AGXT2: variants seen among roughly 807,000 people sequenced by gnomAD.
AGXT2 encodes the protein alanine--glyoxylate aminotransferase 2, also known as alanine--glyoxylate aminotransferase 2, mitochondrial.
Under a neutral mutation model 62.5 loss-of-function variants are expected in AGXT2, and 61 were observed. The ratio of observed to expected loss-of-function variants is 0.98; its 90% CI spans 0.79 to 1.21. The LOEUF (loss-of-function observed/expected upper bound fraction) is 1.21, where lower values mean the gene tolerates loss of function less well. Ranked by LOEUF, AGXT2 falls within the 50% of genes most tolerant of loss-of-function variation. The pLI is 0.00. For missense variants in AGXT2, 666 were observed against 641.5 expected, an observed-to-expected ratio of 1.04 and a Z score of -0.41; for synonymous variants, 243 against 218.7, an observed-to-expected ratio of 1.11 and a Z score of -0.98.
At chr5:35,036,918 C>T (rs1398070592) in intron 4 of AGXT2, 24 bp downstream of exon 4, 2 of 1,613,788 alleles carry the variant, frequency 1.2e-6, no homozygotes, top group East Asian at 2.2e-5. Context: ...ATAACATTCA[C>T]CTCCTGCAGG....
At chr5:35,032,252 G>A (rs1433098116) in intron 7 of AGXT2, among the ~76,000 whole-genome samples, 12 of 151,670 alleles carry the variant, frequency 7.9e-5, no homozygotes, top group South Asian at 4.2e-4. Flanking sequence ...ATGCCCCGCC[G>A]GGCCTTGCTC....
chr5:35,009,970 G>C (rs752461972), intron 12 of AGXT2, 30 bp downstream of exon 12: 31 of 1,613,830 alleles, frequency 1.9e-5, no homozygotes, highest in Non-Finnish European at 2.6e-5. Flanking sequence ...GCTCCAAGCA[G>C]CTGAGAGAGA....
rs1000010591 is a variant in AGXT2 at position 35,013,125 on chromosome 5, T to C, written c.1097-80A>G. On this transcript the variant is annotated intron_variant, in intron 10 of 13. Coordinates refer to ENST00000231420, the MANE Select transcript of AGXT2 (RefSeq NM_031900.4). Reference sequence around the variant, plus strand: ...TCTCATCGCGCCATTTGGACTACAGTTACTTCGTGTTGTAAATGGCATCCA... The same window carrying C: ...TCTCATCGCGCCATTTGGACTACAGCTACTTCGTGTTGTAAATGGCATCCA... 34 of 1,228,482 alleles carry C rather than the reference T, an allele frequency of 2.8e-5. No individual in the cohort carries two copies. In the South Asian group the frequency reaches 3.0e-4, roughly 11 times the overall value. 76.1% of individuals were successfully genotyped at this position (1,228,482 alleles called of 1,614,324 possible).
chr5:35,010,269 G>T, intron 11 of AGXT2, 120 bp from the exon 12 acceptor site: 1 of 1,266,004 alleles, frequency 7.9e-7, no homozygotes, highest in Non-Finnish European at 1.1e-6. Flanking sequence ...TGCAGAACAA[G>T]TCTAGTGTGA....
chr5:35,032,754 G>C lies in AGXT2; in HGVS notation c.747C>G (p.Ile249Met). 6.2e-7 allele frequency: 1 copy of C among 1,609,162 alleles called. No homozygotes were observed. The highest frequency in any genetic ancestry group is 8.5e-7 in the Non-Finnish European group (1 of 1,177,660). Reference sequence around the variant, plus strand: ...GACCTGGTGCACAGCTGCACTTCCTGATTGTTTGCACTGGAGAATCTCGAC... The same window carrying C: ...GACCTGGTGCACAGCTGCACTTCCTCATTGTTTGCACTGGAGAATCTCGAC... ...SHCRDSPVQT[I>M]RKCSCAPDCC... The change falls in exon 7 of 14, where the codon ATC becomes ATG. Residue 249 changes from isoleucine to methionine, a missense_variant. Ile to Met is a conservative substitution (Grantham distance 10). Coordinates refer to ENST00000231420, the MANE Select transcript of AGXT2 (RefSeq NM_031900.4).
chr5:35,020,613 T>C (rs937499759), intron 9 of AGXT2, among the ~76,000 whole-genome samples: 1 of 152,128 alleles, frequency 6.6e-6, no homozygotes, highest in African/African-American at 2.4e-5. Context: ...CCACAGCCAA[T>C]ATCATACTGA....
rs7731609 is a variant in AGXT2, at chr5:35,008,279, A to G, written c.1338+1721T>C. ...CCACAAGCTAGCTTGCTTTGTATGA[A>G]CGGTCATCTGGGAGGGGGATTCTGG... On this transcript the variant is annotated intron_variant, in intron 12 of 13. Coordinates refer to ENST00000231420, the MANE Select transcript of AGXT2 (RefSeq NM_031900.4). 5.7e-3 allele frequency among the ~76,000 whole-genome samples: 864 copies of G among 152,278 alleles called. 11 individuals are homozygous for G. The highest frequency in any genetic ancestry group is 0.02 in the African/African-American group (829 of 41,542).
chr5:34,998,872 A>G (rs1766126032), intron 13 of AGXT2, 46 bp from the exon 14 acceptor site: 1 of 1,375,874 alleles, frequency 7.3e-7, no homozygotes. Context: ...CAGAGAATCA[A>G]ATATGACTTT....
At chr5:35,041,395 C>T (rs1374107927) in intron 1 of AGXT2, among the ~76,000 whole-genome samples, 1 of 151,844 alleles carries the variant, frequency 6.6e-6, no homozygotes, top group African/African-American at 2.4e-5. Flanking sequence ...GTAAATTAAT[C>T]TGTTTAAGGT....
chr5:35,026,629 C>G, intron 7 of AGXT2, 119 bp from the exon 8 acceptor site: 1 of 1,031,210 alleles, frequency 9.7e-7, no homozygotes, highest in Non-Finnish European at 1.5e-6. Flanking sequence ...GTAAGTTAAT[C>G]AGGGACTTCA....
chr5:35,044,527 G>A (rs775071478), intron 1 of AGXT2, among the ~76,000 whole-genome samples: 13 of 152,236 alleles, frequency 8.5e-5, no homozygotes, highest in Non-Finnish European at 1.6e-4. Flanking sequence ...GCTAAGCAAA[G>A]CTGCTAAGAG....
At chr5:35,026,644 A>G in intron 7 of AGXT2, 134 bp from the exon 8 acceptor site, 1 of 986,792 alleles carries the variant, frequency 1.0e-6, no homozygotes, top group South Asian at 1.5e-5. Context: ...ACTTCAGAAT[A>G]CGGTAAACTG....
chr5:35,003,262 C>T (rs1017597673), intron 13 of AGXT2, among the ~76,000 whole-genome samples: 32 of 152,322 alleles, frequency 2.1e-4, no homozygotes, highest in South Asian at 2.1e-4. Flanking sequence ...TCCTCCATCT[C>T]TCCGACAGGC....
At chr5:35,012,916 G>T in intron 11 of AGXT2, 38 bp downstream of exon 11, 2 of 1,522,674 alleles carry the variant, frequency 1.3e-6, no homozygotes, top group Non-Finnish European at 8.9e-7. Context: ...AGAGTCATTT[G>T]TGAAATGAGT....
chr5:35,018,200 T>G (rs1254889842), intron 9 of AGXT2, among the ~76,000 whole-genome samples: 1 of 152,022 alleles, frequency 6.6e-6, no homozygotes, highest in East Asian at 1.9e-4. Flanking sequence ...AGGCCAACAT[T>G]CAGATTCAGG....
chr5:34,999,574 T>C (rs1269358698), intron 13 of AGXT2, among the ~76,000 whole-genome samples: 2 of 152,172 alleles, frequency 1.3e-5, no homozygotes, highest in African/African-American at 2.4e-5. Context: ...GGCTGAGTGA[T>C]GCCGCTAGAT....
chr5:34,998,281 T>C lies in AGXT2; in HGVS notation c.*438A>G, dbSNP rs1766103397. On this transcript the variant is annotated 3_prime_UTR_variant, in exon 14 of 14. Transcript: ENST00000231420. ...GCCGGCTGACATGGTGCCAGGAATC[T>C]CGTCATGAACATATGGTGTTCTCAG... 5.1e-6 allele frequency: 1 copy of C among 195,444 alleles called. No individual in the cohort carries two copies. Among genetic ancestry groups the C allele is most frequent in the African/African-American group, 2.4e-5 (1 of 42,352 alleles). 12.1% of individuals were successfully genotyped at this position (195,444 alleles called of 1,614,324 possible). A position where few individuals can be genotyped will look rare whatever the true frequency, so the allele number is the denominator to read the frequency against.
chr5:35,005,123 C>T (rs1189160303), intron 12 of AGXT2, among the ~76,000 whole-genome samples: 1 of 152,130 alleles, frequency 6.6e-6, no homozygotes, highest in African/African-American at 2.4e-5. Context: ...TAGGGCTAAA[C>T]TGTGAGAACT....
At chr5:35,015,849 CAA>C (rs557021858) in intron 9 of AGXT2, among the ~76,000 whole-genome samples, 15,079 of 68,426 alleles carry the variant, frequency 0.22, 512 homozygotes, top group South Asian at 0.29. Flanking sequence ...GACTCCATCT[CAA>C]AAAAAAAAAA....
Sources: allele counts gnomAD v4.1 joint callset (sites outside exome capture counted in the v4.1 genomes callset), GRCh38; gene constraint gnomAD v4.1.1; transcripts MANE v1.5; gene names NCBI Gene and HGNC (gene_info 2026-07-23, HGNC 2026-07-21).